ZFYVE28: variants seen among roughly 807,000 people sequenced by gnomAD.
ZFYVE28 encodes the protein zinc finger FYVE-type containing 28.
A neutral mutation model predicts 82.1 loss-of-function variants in ZFYVE28; 40 were observed. The observed-to-expected ratio is 0.49, with a 90% CI of 0.38 to 0.63. The LOEUF (loss-of-function observed/expected upper bound fraction) is 0.63, where lower values mean the gene tolerates loss of function less well. Among genes scored for constraint, ZFYVE28 ranks in the 30% least tolerant of loss-of-function variants. The pLI is 0.00. For missense variants in ZFYVE28, 1,321 were observed against 1,242.1 expected (o/e 1.06, Z -0.96); for synonymous variants, 612 against 546.1 (o/e 1.12, Z -1.68).
intron 2 of ZFYVE28, chr4:2,343,133 G>A (rs1248142650): frequency 1.3e-5 from 2 of 152,076 alleles, no homozygotes; most frequent in African/African-American, 2.4e-5. Flanking sequence ...CCACCTCCAC[G>A]CAATGCTGCC....
chr4:2,411,223 C>T (rs1347062048), intron 1 of ZFYVE28, among the ~76,000 whole-genome samples: 1 of 149,092 alleles, frequency 6.7e-6, no homozygotes, highest in Non-Finnish European at 1.5e-5. Context: ...CATGGAGGGG[C>T]CCCCCCACTT....
intron 1 of ZFYVE28, among the ~76,000 whole-genome samples, chr4:2,381,039 A>G (rs765878811): frequency 6.6e-6 from 1 of 152,250 alleles, no homozygotes; most frequent in Admixed American, 6.5e-5. Context: ...GCTCAGAAGA[A>G]GACAGGAAAA....
chr4:2,412,223 G>C lies in ZFYVE28; in HGVS notation c.39+6062C>G, dbSNP rs551246096. ...CCCCACTGAGACGCTTTCACTCTCA[G>C]AATGGCCTGGCTGGAGGAACTGGAA... On this transcript the variant is annotated intron_variant, in intron 1 of 12. Coordinates refer to ENST00000290974, the MANE Select transcript of ZFYVE28 (RefSeq NM_020972.3). Among the ~76,000 whole-genome samples, 35 of 152,274 alleles carry C rather than the reference G, an allele frequency of 2.3e-4. 1 individual carries two copies. Among genetic ancestry groups the C allele is most frequent in the African/African-American group, 8.2e-4 (34 of 41,556 alleles).
intron 8 of ZFYVE28, among the ~76,000 whole-genome samples, chr4:2,294,933 T>C (rs1714303691): frequency 1.3e-5 from 2 of 150,634 alleles, no homozygotes; most frequent in African/African-American, 2.5e-5. Flanking sequence ...CTGGGCAACA[T>C]AGCGAGACCC....
intron 8 of ZFYVE28, among the ~76,000 whole-genome samples, chr4:2,279,590 T>A (rs553720663): frequency 2.0e-5 from 3 of 152,120 alleles, no homozygotes; most frequent in African/African-American, 7.2e-5. Context: ...CCATCCTGGC[T>A]AACACGATGA....
chr4:2,332,456 C>T lies in ZFYVE28; in HGVS notation c.701+3249G>A, dbSNP rs148047996. The stretch of plus-strand genomic sequence containing the variant: ...GCTGCCCTGGGGAGCCTCTCCCTCA[C>T]GCCTTCAGCTCCTGTCCACCCCATG... On this transcript the variant is annotated intron_variant, in intron 6 of 12. Transcript: ENST00000290974. This position sits in a 1 kb window ranked among gnomAD's most constrained non-coding sequence, Gnocchi z 4.7. Among the ~76,000 whole-genome samples, 8 of 152,310 alleles carry T rather than the reference C, an allele frequency of 5.3e-5. No homozygotes were observed. The highest frequency in any genetic ancestry group is 1.9e-4 in the East Asian group (1 of 5,188).
intron 1 of ZFYVE28, among the ~76,000 whole-genome samples, chr4:2,391,795 G>T (rs1729868876): frequency 6.7e-6 from 1 of 149,244 alleles, no homozygotes; most frequent in Admixed American, 6.7e-5. Context: ...GAGTGCAGTG[G>T]TGTGATCTCA....
At chr4:2,406,780 T>G (rs1356236850) in intron 1 of ZFYVE28, 2 of 152,286 alleles carry the variant, frequency 1.3e-5, no homozygotes, top group African/African-American at 2.4e-5. Flanking sequence ...CTTTAGTTTT[T>G]GCTTTTTGTT....
intron 6 of ZFYVE28, among the ~76,000 whole-genome samples, chr4:2,331,350 T>C (rs553894707): frequency 1.3e-5 from 2 of 151,808 alleles, no homozygotes; most frequent in African/African-American, 4.8e-5. Flanking sequence ...AGGAACTGTT[T>C]TAAGGCCGGG....
intron 1 of ZFYVE28, among the ~76,000 whole-genome samples, chr4:2,367,386 G>A (rs1161832493): frequency 2.0e-5 from 3 of 152,248 alleles, no homozygotes; most frequent in Non-Finnish European, 4.4e-5. Context: ...CGTTGCAGGG[G>A]CTGAGCCTCA....
intron 6 of ZFYVE28, among the ~76,000 whole-genome samples, chr4:2,322,599 TTTTC>T (rs1719257921): frequency 6.6e-6 from 1 of 152,154 alleles, no homozygotes. Flanking sequence ...CCCTTTTCTT[TTTTC>T]AAATAAATTC....
chr4:2,382,895 G>A (rs554478166), intron 1 of ZFYVE28, among the ~76,000 whole-genome samples: 1 of 151,612 alleles, frequency 6.6e-6, no homozygotes, highest in Admixed American at 6.6e-5. Flanking sequence ...GGCAGCAGCA[G>A]GAGAAAATGA....
At position 2,305,346 on chromosome 4, in the gene ZFYVE28, C is replaced by A. The variant is rs2108824293; in HGVS notation, c.994G>T (p.Ala332Ser). ...TGGTCGTCGTACTGCATGGAGCAGG[C>A]CAGCTCTGCATCCGGGTCTTTGGCC... ...AKAKDPDAELACSMQYDDQEL... is the reference protein window; with the variant it reads ...AKAKDPDAELSCSMQYDDQEL... The change falls in exon 8 of 13, where the codon GCC becomes TCC. Residue 332 changes from alanine (A) to serine (S), a missense_variant. Transcript: ENST00000290974. 6.2e-7 allele frequency: 1 copy of A among 1,612,926 alleles called. No individual in the cohort carries two copies. Among genetic ancestry groups the A allele is most frequent in the Non-Finnish European group, 8.5e-7 (1 of 1,179,844 alleles).
intron 1 of ZFYVE28, among the ~76,000 whole-genome samples, chr4:2,367,667 G>C (rs532286808): frequency 6.6e-6 from 1 of 152,356 alleles, no homozygotes; most frequent in South Asian, 2.1e-4. Context: ...ACCCCACAGT[G>C]GGCAGTGGGG....
rs1270771397 is a variant in ZFYVE28 at position 2,304,752 on chromosome 4, C to A, written c.1588G>T (p.Ala530Ser). ...GAGGCGGCCTCCTGGGTGGCGACCGCAGAGTCCAGGGAAGTGGGCGATTTG... is the reference window on the plus strand; with the variant it reads ...GAGGCGGCCTCCTGGGTGGCGACCGAAGAGTCCAGGGAAGTGGGCGATTTG... ...NPKSPTSLDS[A>S]VATQEAASEP... is the part of the protein sequence containing the mutation. Residue 530 changes from alanine to serine, a missense_variant, in exon 8 of 13, where the codon GCG becomes TCG. Physicochemically the swap from Ala to Ser is moderately conservative, Grantham distance 99. This residue lies in a region of ZFYVE28 where 978 missense variants were observed against 833.7 expected (regional missense o/e 1.17). Coordinates refer to ENST00000290974, the MANE Select transcript of ZFYVE28 (RefSeq NM_020972.3). The A allele has an allele frequency of 6.2e-7, 1 of 1,612,742 alleles. No individual in the cohort carries two copies. The highest frequency in any genetic ancestry group is 2.2e-5 in the East Asian group (1 of 44,878).
intron 7 of ZFYVE28, among the ~76,000 whole-genome samples, chr4:2,310,581 A>T (rs979854489): frequency 7.2e-5 from 11 of 152,168 alleles, no homozygotes; most frequent in Admixed American, 5.9e-4. Flanking sequence ...AGGCAGTCAG[A>T]TTGCTTGAGC....
At chr4:2,395,211 A>AGT (rs1441889173) in intron 1 of ZFYVE28, among the ~76,000 whole-genome samples, 5 of 61,954 alleles carry the variant, frequency 8.1e-5, no homozygotes, top group Admixed American at 2.1e-4. Context: ...TCTGCAGAGC[A>AGT]GACAGTGAGG....
At chr4:2,319,681 G>T (rs879430218) in intron 7 of ZFYVE28, among the ~76,000 whole-genome samples, 3 of 152,188 alleles carry the variant, frequency 2.0e-5, no homozygotes, top group Non-Finnish European at 4.4e-5. Flanking sequence ...CCCATATGAA[G>T]GAAAGGCGTC....
intron 7 of ZFYVE28, among the ~76,000 whole-genome samples, chr4:2,314,402 C>T (rs1398127271): frequency 6.6e-6 from 1 of 152,208 alleles, no homozygotes; most frequent in African/African-American, 2.4e-5. Flanking sequence ...TTAATGTAAT[C>T]ACTGATGTGG....
Sources: gnomAD v4.1 joint callset for allele counts (sites outside exome capture counted in the v4.1 genomes callset) on GRCh38, gnomAD v4.1.1 for gene constraint, gnomAD v4.1.1 regional missense constraint, Gnocchi (gnomAD v3.1) non-coding constraint, MANE v1.5 for transcripts, NCBI Gene and HGNC (gene_info 2026-07-23, HGNC 2026-07-21) for gene names.